SNAP91: variants seen among roughly 807,000 people sequenced by gnomAD.
The protein encoded by SNAP91 is synaptosome associated protein 91, also known as clathrin coat assembly protein AP180.
In SNAP91, 27 loss-of-function variants were observed where a neutral mutation model predicts 100.3. That is an observed-to-expected ratio of 0.27 (90% CI 0.20 to 0.37). The LOEUF is 0.37. Ranked by LOEUF, SNAP91 falls within the 10% of genes least tolerant of loss-of-function variation. The probability of loss-of-function intolerance (pLI) is 1.00; values close to 1 mark genes in which losing one functional copy is unlikely to be tolerated. For missense variants in SNAP91, 986 were observed against 1,123.7 expected (o/e 0.88, Z 1.75); for synonymous variants, 404 against 398.6 (o/e 1.01, Z -0.16).
chr6:83,674,184 C>T (rs1045802100), intron 2 of SNAP91, among the ~76,000 whole-genome samples: 5 of 152,022 alleles, frequency 3.3e-5, no homozygotes, highest in East Asian at 1.9e-4. Context: ...CAGCACTTTG[C>T]GAGGCCGAGG....
At chr6:83,582,111 A>G in intron 23 of SNAP91, 111 bp downstream of exon 23, 1 of 1,198,400 alleles carries the variant, frequency 8.3e-7, no homozygotes, top group Non-Finnish European at 1.1e-6. Flanking sequence ...AAACCAAATT[A>G]TCACTCAATA....
At chr6:83,642,632 C>T (rs914979815) in intron 7 of SNAP91, among the ~76,000 whole-genome samples, 26 of 152,170 alleles carry the variant, frequency 1.7e-4, no homozygotes, top group Non-Finnish European at 2.9e-4. Context: ...CTACTGTGAA[C>T]AGTGCCACCA....
At chr6:83,580,875 T>C (rs1395990846) in intron 23 of SNAP91, among the ~76,000 whole-genome samples, 2 of 152,242 alleles carry the variant, frequency 1.3e-5, no homozygotes, top group Non-Finnish European at 2.9e-5. Context: ...TTCAGCTGCA[T>C]GACTCACTGG....
intron 14 of SNAP91, among the ~76,000 whole-genome samples, chr6:83,604,164 A>G (rs984045105): frequency 6.6e-6 from 1 of 152,332 alleles, no homozygotes; most frequent in Admixed American, 6.5e-5. Context: ...TTTATTCATT[A>G]AAGTTCTAAC....
chr6:83,700,976 G>A (rs1374074254), intron 2 of SNAP91, among the ~76,000 whole-genome samples: 2 of 152,156 alleles, frequency 1.3e-5, no homozygotes, highest in African/African-American at 4.8e-5. Flanking sequence ...TTGGGCAATT[G>A]AGTAGGCAAT....
chr6:83,703,091 T>TGA (rs1451641396), intron 2 of SNAP91, among the ~76,000 whole-genome samples: 1 of 151,924 alleles, frequency 6.6e-6, no homozygotes, highest in Non-Finnish European at 1.5e-5. Context: ...ACCCTTGGGC[T>TGA]GGGTCTTCTG....
intron 7 of SNAP91, among the ~76,000 whole-genome samples, chr6:83,641,859 T>C (rs1015013822): frequency 6.6e-6 from 1 of 152,212 alleles, no homozygotes; most frequent in African/African-American, 2.4e-5. Context: ...CAGAAGCTTA[T>C]TTTGCTGTTC....
At chr6:83,677,269 C>T (rs1197868967) in intron 2 of SNAP91, among the ~76,000 whole-genome samples, 2 of 152,154 alleles carry the variant, frequency 1.3e-5, no homozygotes, top group African/African-American at 4.8e-5. Context: ...TTCAGAATCA[C>T]TGGCAAGCTA....
chr6:83,637,571 T>C (rs535530174), intron 8 of SNAP91, among the ~76,000 whole-genome samples: 14 of 152,290 alleles, frequency 9.2e-5, no homozygotes, highest in Admixed American at 7.8e-4. Context: ...CCAGGAGCAT[T>C]TTGACTGGCT....
Position 83,662,440 on chromosome 6 carries a change from G to T in SNAP91, c.274-18C>A, listed in dbSNP as rs761674218. Reference sequence around the variant, plus strand: ...ATAAATCTCTGAAAAACAAAAATTAGAATTAAACACACATTTTAAAATCAT... The same window carrying T: ...ATAAATCTCTGAAAAACAAAAATTATAATTAAACACACATTTTAAAATCAT... On this transcript the variant is annotated intron_variant, in intron 3 of 29. Transcript: ENST00000369694. 4.0e-6 allele frequency: 4 copies of T among 988,242 alleles called. No homozygotes were observed. The highest frequency in any genetic ancestry group is 3.3e-5 in the Admixed American group (1 of 30,484). 61.2% of individuals were successfully genotyped at this position (988,242 alleles called of 1,614,324 possible). A position where few individuals can be genotyped will look rare whatever the true frequency, so the allele number is the denominator to read the frequency against.
intron 25 of SNAP91, 81 bp from the exon 26 acceptor site, chr6:83,575,202 T>A (rs1816268200): frequency 2.1e-6 from 2 of 957,254 alleles, no homozygotes; most frequent in South Asian, 2.9e-5. Flanking sequence ...CTTAGATTAT[T>A]TTATTTGGGT....
intron 8 of SNAP91, among the ~76,000 whole-genome samples, chr6:83,627,648 G>A (rs956552381): frequency 9.2e-5 from 14 of 152,010 alleles, no homozygotes; most frequent in South Asian, 4.1e-4. Flanking sequence ...AGAGGTTTTC[G>A]TAGTAGTCTA....
intron 26 of SNAP91, among the ~76,000 whole-genome samples, chr6:83,569,921 T>G (rs934227354): frequency 6.6e-6 from 1 of 152,202 alleles, no homozygotes; most frequent in Non-Finnish European, 1.5e-5. Context: ...CCTTTTTTTT[T>G]GTAAATTGCC....
intron 2 of SNAP91, among the ~76,000 whole-genome samples, chr6:83,688,845 AC>A (rs2099096051): frequency 6.6e-6 from 1 of 152,014 alleles, no homozygotes; most frequent in South Asian, 2.1e-4. Context: ...TGCTTTCAAA[AC>A]ATATCAGTCA....
intron 7 of SNAP91, among the ~76,000 whole-genome samples, chr6:83,654,947 C>A (rs931521994): frequency 6.6e-6 from 1 of 152,166 alleles, no homozygotes; most frequent in African/African-American, 2.4e-5. Flanking sequence ...TTTCTGTCAT[C>A]TAGCAGAGAT....
intron 13 of SNAP91, among the ~76,000 whole-genome samples, chr6:83,606,378 G>A (rs1420642436): frequency 6.6e-6 from 1 of 152,092 alleles, no homozygotes; most frequent in African/African-American, 2.4e-5. Flanking sequence ...AACGACTACT[G>A]CATTTTTTAT....
rs117349895 is a variant in SNAP91 at position 83,653,086 on chromosome 6, A to G, written c.658+3668T>C. ...TAAGGTAGTTTCGGGGGCATTTCCT[A>G]CTTGGTGTTCTCTGAGCTTCCTGGA... On this transcript the variant is annotated intron_variant, in intron 7 of 29. Transcript: ENST00000369694. Among the ~76,000 whole-genome samples, 6 of 152,062 alleles carry G rather than the reference A, an allele frequency of 3.9e-5. No individual in the cohort carries two copies. In the East Asian group the frequency reaches 1.2e-3, roughly 29 times the overall value.
intron 8 of SNAP91, among the ~76,000 whole-genome samples, chr6:83,635,044 G>T (rs1321017476): frequency 6.6e-6 from 1 of 152,096 alleles, no homozygotes; most frequent in Non-Finnish European, 1.5e-5. Context: ...ATTGAGATTT[G>T]CTTTATGGCT....
rs889751870 is a variant in SNAP91 at position 83,621,348 on chromosome 6, A to G, written c.807+1953T>C. 2.0e-5 allele frequency among the ~76,000 whole-genome samples: 3 copies of G among 152,202 alleles called. No individual in the cohort carries two copies. The East Asian group carries it at 5.8e-4, about 29-fold the overall frequency. On this transcript the variant is annotated intron_variant, in intron 9 of 29. Coordinates refer to ENST00000369694, the MANE Select transcript of SNAP91 (RefSeq NM_001242792.2). ...GGTGTATATGTATCACATAAAAATA[A>G]ATGTTAATATTGAAATTTATGTGGC...
Sources: gnomAD v4.1 joint callset for allele counts (sites outside exome capture counted in the v4.1 genomes callset) on GRCh38, gnomAD v4.1.1 for gene constraint, MANE v1.5 for transcripts, NCBI Gene and HGNC (gene_info 2026-07-23, HGNC 2026-07-21) for gene names.